CRK: variants seen among roughly 807,000 people sequenced by gnomAD.
CRK encodes CRK proto-oncogene, adaptor protein.
In CRK, 4 loss-of-function variants were observed where a neutral mutation model predicts 29.8. The observed-to-expected ratio is 0.13, with a 90% CI of 0.07 to 0.31. CRK has a LOEUF of 0.31. Ranked by LOEUF, CRK falls within the 10% of genes least tolerant of loss-of-function variation. The pLI, the probability that CRK is intolerant of heterozygous loss-of-function variation, is 1.00. For synonymous variants in CRK, 153 were observed against 164.9 expected (o/e 0.93, Z 0.55); for missense variants, 274 against 396.5 (o/e 0.69, Z 2.62).
intron 1 of CRK, among the ~76,000 whole-genome samples, chr17:1,445,735 C>T (rs1423771261): frequency 1.3e-5 from 2 of 152,150 alleles, no homozygotes; most frequent in Admixed American, 6.6e-5. Flanking sequence ...CTACTTAGCA[C>T]TGCCTGGTCA....
At chr17:1,430,190 G>A (rs1379600144) in intron 2 of CRK, among the ~76,000 whole-genome samples, 4 of 151,674 alleles carry the variant, frequency 2.6e-5, no homozygotes, top group African/African-American at 4.8e-5. Flanking sequence ...GATTACAGGC[G>A]TGTGCCCCCA....
At chr17:1,436,510 G>T (rs915170895) in intron 2 of CRK, 110 bp downstream of exon 2, 247 of 1,189,224 alleles carry the variant, frequency 2.1e-4, no homozygotes, top group East Asian at 1.1e-3. Context: ...TTAGCGGCTT[G>T]CCATCTACAA....
intron 1 of CRK, among the ~76,000 whole-genome samples, chr17:1,447,404 C>T (rs556618003): frequency 7.6e-4 from 116 of 152,196 alleles, no homozygotes; most frequent in African/African-American, 2.6e-3. Flanking sequence ...TTCAGCTTCT[C>T]GGTACCTGCT....
chr17:1,443,632 C>T (rs1479848409), intron 1 of CRK, among the ~76,000 whole-genome samples: 2 of 151,438 alleles, frequency 1.3e-5, no homozygotes, highest in Non-Finnish European at 2.9e-5. Context: ...ATCTCCTGAC[C>T]TCGTGATCCA....
rs2073724701 is a variant in CRK, at chr17:1,421,578, T to TAA, written c.*1933_*1934dup. On this transcript the variant is annotated 3_prime_UTR_variant, in exon 3 of 3. Transcript: ENST00000300574. ...GACCTTAGTGTGAGGTAAAATACAT[T>TAA]AAATTAGCGTCAACGCGTTAGTCTG... 1 of 152,152 alleles carries TAA rather than the reference T, an allele frequency of 6.6e-6. No homozygotes were observed. Among genetic ancestry groups the TAA allele is most frequent in the African/African-American group, 2.4e-5 (1 of 41,438 alleles). 9.4% of individuals were successfully genotyped at this position (152,152 alleles called of 1,614,324 possible). A position where few individuals can be genotyped will look rare whatever the true frequency, so the allele number is the denominator to read the frequency against.
chr17:1,421,575 C>T lies in CRK; in HGVS notation c.*1938G>A, dbSNP rs181560142. 16 of 152,270 alleles carry T rather than the reference C, an allele frequency of 1.1e-4. No individual in the cohort carries two copies. In the East Asian group the frequency reaches 2.9e-3, roughly 28 times the overall value. 9.4% of individuals were successfully genotyped at this position (152,270 alleles called of 1,614,324 possible). On this transcript the variant is annotated 3_prime_UTR_variant, in exon 3 of 3. Coordinates refer to ENST00000300574, the MANE Select transcript of CRK (RefSeq NM_016823.4). ...CATGACCTTAGTGTGAGGTAAAATA[C>T]ATTAAATTAGCGTCAACGCGTTAGT...
chr17:1,426,848 T>G (rs2073783430), intron 2 of CRK, among the ~76,000 whole-genome samples: 1 of 59,494 alleles, frequency 1.7e-5, no homozygotes, highest in Non-Finnish European at 3.1e-5. Context: ...GCCAACAGAG[T>G]TACACTGTCT....
chr17:1,438,085 A>C (rs2073902006), intron 1 of CRK, among the ~76,000 whole-genome samples: 1 of 151,662 alleles, frequency 6.6e-6, no homozygotes, highest in Non-Finnish European at 1.5e-5. Flanking sequence ...TTTTCTCTTC[A>C]CATCTAGAAT....
In CRK at chr17:1,456,224, G is replaced by T; in HGVS notation, c.-107C>A. 7.8e-7 allele frequency: 1 copy of T among 1,289,642 alleles called. No homozygotes were observed. Among genetic ancestry groups the T allele is most frequent in the Middle Eastern group, 2.9e-4 (1 of 3,430 alleles). 79.9% of individuals were successfully genotyped at this position (1,289,642 alleles called of 1,614,324 possible). On this transcript the variant is annotated 5_prime_UTR_variant, in exon 1 of 3. Coordinates refer to ENST00000300574, the MANE Select transcript of CRK (RefSeq NM_016823.4). ...GCTCCGGTTTCAGCTTCACAGCAGC[G>T]CCCGAAATGGCGGCGGCAGCCGCGG...
intron 1 of CRK, among the ~76,000 whole-genome samples, chr17:1,445,631 C>T (rs1162269047): frequency 6.6e-6 from 1 of 152,206 alleles, no homozygotes; most frequent in African/African-American, 2.4e-5. Context: ...AGATTCATGG[C>T]TACCTTGCCT....
chr17:1,433,833 T>G (rs930756376), intron 2 of CRK, among the ~76,000 whole-genome samples: 5 of 150,896 alleles, frequency 3.3e-5, no homozygotes, highest in African/African-American at 4.9e-5. Context: ...TGGTTTTTTT[T>G]TTTTTTTTTT....
chr17:1,440,394 TTG>T (rs1462751726), intron 1 of CRK, among the ~76,000 whole-genome samples: 6 of 151,482 alleles, frequency 4.0e-5, no homozygotes, highest in Non-Finnish European at 1.5e-5. Flanking sequence ...GCCTAGGAGT[TTG>T]TGAGTACACT....
chr17:1,441,134 C>G (rs1045920405), intron 1 of CRK, among the ~76,000 whole-genome samples: 1 of 151,966 alleles, frequency 6.6e-6, no homozygotes, highest in South Asian at 2.1e-4. Flanking sequence ...CGCCATGTTG[C>G]CCAAGCCAGT....
rs2150895742 is a variant in CRK at position 1,421,717 on chromosome 17, CAG to C, written c.*1794_*1795del. On this transcript the variant is annotated 3_prime_UTR_variant, in exon 3 of 3. Transcript: ENST00000300574. Reference sequence around the variant, plus strand: ...ACGTGCACACTGACTGTGTGTCAGACAGTGTGCCGGTCACTCGGACACCACAA... The same window carrying C: ...ACGTGCACACTGACTGTGTGTCAGACTGTGCCGGTCACTCGGACACCACAA... The C allele has an allele frequency of 6.6e-6, 1 of 152,270 alleles. No individual in the cohort carries two copies. Among genetic ancestry groups the C allele is most frequent in the Non-Finnish European group, 1.5e-5 (1 of 68,024 alleles). 9.4% of individuals were successfully genotyped at this position (152,270 alleles called of 1,614,324 possible).
At position 1,450,246 on chromosome 17, in the gene CRK, G is replaced by C. The variant is rs750621240; in HGVS notation, c.241+5631C>G. 1.6e-4 allele frequency among the ~76,000 whole-genome samples: 24 copies of C among 151,788 alleles called. 1 individual carries two copies. The highest frequency in any genetic ancestry group is 1.9e-4 in the East Asian group (1 of 5,148). On this transcript the variant is annotated intron_variant, in intron 1 of 2. Coordinates refer to ENST00000300574, the MANE Select transcript of CRK (RefSeq NM_016823.4). ...TTAAAAAATAAGGCGCGGTGGCTCA[G>C]GCCTGTAATCCCAGCACTTTGGGAG... is the stretch of plus-strand genomic sequence containing the variant.
intron 2 of CRK, among the ~76,000 whole-genome samples, chr17:1,430,657 A>T (rs147007451): frequency 7.5e-4 from 112 of 149,766 alleles, no homozygotes; most frequent in East Asian, 1.2e-3. Context: ...GAGCCACCAC[A>T]CCCAGCCTGA....
Position 1,422,088 on chromosome 17 carries a change from G to A in CRK, c.*1425C>T, listed in dbSNP as rs985548553. 4.0e-5 allele frequency: 6 copies of A among 151,588 alleles called. No individual in the cohort carries two copies. The highest frequency in any genetic ancestry group is 1.5e-4 in the African/African-American group (6 of 41,260). The allele number at this position is 151,588 out of a possible 1,614,324, so 9.4% of individuals were successfully genotyped here. On this transcript the variant is annotated 3_prime_UTR_variant, in exon 3 of 3. Transcript: ENST00000300574. ...GTTTACAATGTAATGTTCTTCAACAGCATTACTCTCCCCATGAGAAATGAA... is the reference window on the plus strand; with the variant it reads ...GTTTACAATGTAATGTTCTTCAACAACATTACTCTCCCCATGAGAAATGAA...
rs1343421818 is a variant in CRK, at chr17:1,437,927, A to G, written c.242-772T>C. ...GTGATCCACCCACCTCAGCCTCCCAAAGTGCTGGGATTACAGGTGTGAGCT... is the reference window on the plus strand; with the variant it reads ...GTGATCCACCCACCTCAGCCTCCCAGAGTGCTGGGATTACAGGTGTGAGCT... On this transcript the variant is annotated intron_variant, in intron 1 of 2. Coordinates refer to ENST00000300574, the MANE Select transcript of CRK (RefSeq NM_016823.4). 2.0e-5 allele frequency among the ~76,000 whole-genome samples: 3 copies of G among 151,616 alleles called. No individual in the cohort carries two copies. The East Asian group carries it at 5.8e-4, about 30-fold the overall frequency.
At chr17:1,441,853 G>A (rs1167420776) in intron 1 of CRK, among the ~76,000 whole-genome samples, 5 of 149,872 alleles carry the variant, frequency 3.3e-5, no homozygotes, top group Admixed American at 3.3e-4. Flanking sequence ...TGCCCAGGCT[G>A]CGGTTTTGTT....
Sources: allele counts gnomAD v4.1 joint callset (sites outside exome capture counted in the v4.1 genomes callset), GRCh38; gene constraint gnomAD v4.1.1; transcripts MANE v1.5; gene names NCBI Gene and HGNC (gene_info 2026-07-23, HGNC 2026-07-21).